The following GLYR1 variants were observed in gnomAD, a reference collection of about 807,000 sequenced individuals.
GLYR1 encodes glyoxylate reductase 1 homolog.
In GLYR1, 21 loss-of-function variants were observed where a neutral mutation model predicts 72.7. The ratio of observed to expected loss-of-function variants is 0.29; its 90% confidence interval spans 0.20 to 0.42. The LOEUF is 0.42. GLYR1 is among the 10% of genes least tolerant of loss of function. The pLI is 1.00. For synonymous variants in GLYR1, 392 were observed against 270.2 expected (o/e 1.45, Z -4.42); for missense variants, 594 against 712.1 (o/e 0.83, Z 1.89).
At chr16:4,845,186 G>A (rs768038645) in intron 2 of GLYR1, 33 bp from the exon 3 acceptor site, 1 of 1,530,628 alleles carries the variant, frequency 6.5e-7, no homozygotes, top group Admixed American at 1.7e-5. Context: ...AAGGTTGGCT[G>A]GCAACACAGC....
chr16:4,830,926 T>TA (rs2084756921), intron 5 of GLYR1, among the ~76,000 whole-genome samples: 1 of 152,080 alleles, frequency 6.6e-6, no homozygotes, highest in African/African-American at 2.4e-5. Flanking sequence ...CGGACTCAAC[T>TA]ACCCTTTTAC....
At chr16:4,836,603 T>C (rs2085148847) in intron 3 of GLYR1, among the ~76,000 whole-genome samples, 1 of 152,192 alleles carries the variant, frequency 6.6e-6, no homozygotes, top group African/African-American at 2.4e-5. Flanking sequence ...GATATCTGGC[T>C]ACGTGGAGAT....
chr16:4,831,248 C>T (rs1315725298), intron 5 of GLYR1, among the ~76,000 whole-genome samples: 4 of 152,144 alleles, frequency 2.6e-5, no homozygotes, highest in African/African-American at 4.8e-5. Flanking sequence ...TATGAATGCA[C>T]GCCTAGACTT....
chr16:4,813,675 AG>A, intron 12 of GLYR1, 61 bp downstream of exon 12: 17 of 1,414,310 alleles, frequency 1.2e-5, no homozygotes, highest in Non-Finnish European at 1.7e-5. Context: ...CACTCTTGTA[AG>A]CCTGGGTCTT....
At chr16:4,832,488 T>C in intron 4 of GLYR1, 1 of 575,000 alleles carries the variant, frequency 1.7e-6, no homozygotes, top group South Asian at 2.4e-5. Context: ...ATGCTCCTAA[T>C]CTGTGTGCTA....
intron 5 of GLYR1, among the ~76,000 whole-genome samples, chr16:4,828,848 T>A (rs1374877643): frequency 6.6e-6 from 1 of 152,100 alleles, no homozygotes; most frequent in Non-Finnish European, 1.5e-5. Context: ...GCCCTCGTCA[T>A]AACCTCTCCT....
intron 15 of GLYR1, among the ~76,000 whole-genome samples, chr16:4,808,963 TCA>T (rs971450207): frequency 6.6e-6 from 1 of 152,054 alleles, no homozygotes; most frequent in Non-Finnish European, 1.5e-5. Flanking sequence ...AGACTGTGTC[TCA>T]AATATAAAAA....
chr16:4,847,200 C>T, intron 1 of GLYR1, 28 bp downstream of exon 1: 1 of 1,594,090 alleles, frequency 6.3e-7, no homozygotes, highest in East Asian at 2.3e-5. Context: ...CCCGGCGCGT[C>T]TCGGTTGGCC....
chr16:4,827,862 T>A (rs1346397555), intron 5 of GLYR1, among the ~76,000 whole-genome samples: 1 of 151,676 alleles, frequency 6.6e-6, no homozygotes, highest in African/African-American at 2.4e-5. Flanking sequence ...ATTGCGCCAC[T>A]GCACCGCAGC....
chr16:4,811,843 C>T (rs759324611), intron 13 of GLYR1, 41 bp from the exon 14 acceptor site: 17 of 1,585,224 alleles, frequency 1.1e-5, no homozygotes, highest in Non-Finnish European at 1.3e-5. Context: ...CCAAGAATGC[C>T]ACAGACAGGG....
At chr16:4,806,445 C>T (rs913840423) in intron 15 of GLYR1, among the ~76,000 whole-genome samples, 1 of 151,372 alleles carries the variant, frequency 6.6e-6, no homozygotes, top group South Asian at 2.1e-4. Flanking sequence ...CAGCCTCGAA[C>T]TCCTGGGCTC....
chr16:4,823,789 C>G (rs774854712), intron 6 of GLYR1, 32 bp downstream of exon 6: 5 of 1,574,238 alleles, frequency 3.2e-6, no homozygotes, highest in Non-Finnish European at 4.4e-6. Flanking sequence ...CCCTAAGCCA[C>G]AGCTTGTCCT....
At chr16:4,843,629 T>C in intron 3 of GLYR1, 1 of 1,289,116 alleles carries the variant, frequency 7.8e-7, no homozygotes, top group Non-Finnish European at 1.0e-6. Context: ...AGGAAGAGCA[T>C]CTGACATATA....
intron 3 of GLYR1, among the ~76,000 whole-genome samples, chr16:4,841,647 A>G (rs913756950): frequency 9.1e-6 from 1 of 109,500 alleles, no homozygotes; most frequent in Non-Finnish European, 1.9e-5. Context: ...AAGAAACCAA[A>G]CAAGAACAAC....
At chr16:4,818,807 C>T (rs2141977789) in intron 9 of GLYR1, among the ~76,000 whole-genome samples, 1 of 152,272 alleles carries the variant, frequency 6.6e-6, no homozygotes, top group East Asian at 1.9e-4. Context: ...AGCTTGGAAC[C>T]CAATCTTTCC....
At chr16:4,832,411 A>T in intron 4 of GLYR1, 190 bp from the exon 5 acceptor site, 1 of 688,004 alleles carries the variant, frequency 1.5e-6, no homozygotes, top group East Asian at 2.8e-5. Flanking sequence ...ATCAAAAGTC[A>T]CTTTCCCTAT....
chr16:4,811,047 T>C (rs904853934), intron 15 of GLYR1, 123 bp downstream of exon 15: 14 of 1,232,118 alleles, frequency 1.1e-5, no homozygotes, highest in African/African-American at 7.7e-5. Context: ...GGAGGTTGCA[T>C]TGAGCTGAGA....
rs1430064928 is a variant in GLYR1 at position 4,831,844 on chromosome 16, T to C, written c.537+135A>G. 5.3e-6 allele frequency: 7 copies of C among 1,310,910 alleles called. No individual in the cohort carries two copies. The East Asian group carries it at 7.4e-5, about 14-fold the overall frequency. The allele number at this position is 1,310,910 out of a possible 1,614,324, so 81.2% of individuals were successfully genotyped here. On this transcript the variant is annotated intron_variant, in intron 5 of 15. Transcript: ENST00000321919. ...CCACCGCACCTGCCCTGCAGGATTC[T>C]TGAGCACAGAATTCTGCTCCCACTC... is the stretch of plus-strand genomic sequence containing the variant.
At chr16:4,813,066 C>T (rs942079899) in intron 12 of GLYR1, among the ~76,000 whole-genome samples, 10 of 151,922 alleles carry the variant, frequency 6.6e-5, no homozygotes, top group African/African-American at 9.7e-5. Context: ...GGGTTCATGC[C>T]GCTCTCCTGC....
Sources: gnomAD v4.1 joint callset for allele counts (sites outside exome capture counted in the v4.1 genomes callset) on GRCh38, gnomAD v4.1.1 for gene constraint, MANE v1.5 for transcripts, NCBI Gene and HGNC (gene_info 2026-07-23, HGNC 2026-07-21) for gene names.